The following SLFN12 variants were observed in gnomAD, a reference collection of about 807,000 sequenced individuals.
The protein encoded by SLFN12 is schlafen family member 12.
SLFN12 carries 25 observed loss-of-function variants against 29.1 expected under a neutral mutation model. That is an observed-to-expected ratio of 0.86 (90% CI 0.63 to 1.20). SLFN12 has a LOEUF of 1.20. Ranked by LOEUF, SLFN12 falls within the 50% of genes most tolerant of loss-of-function variation. The pLI, the probability that SLFN12 is intolerant of heterozygous loss-of-function variation, is 0.00. For synonymous variants in SLFN12, 257 were observed against 238.7 expected (o/e 1.08, Z -0.71); for missense variants, 660 against 666.2 (o/e 0.99, Z 0.10).
At position 35,422,894 on chromosome 17, in the gene SLFN12, T is replaced by C; in HGVS notation, c.135A>G (p.Ser45=). The C allele has an allele frequency of 6.2e-7, 1 of 1,614,038 alleles. No individual in the cohort carries two copies. Among genetic ancestry groups the C allele is most frequent in the Non-Finnish European group, 8.5e-7 (1 of 1,179,992 alleles). ...AATTGAGCAGAGCACACATAGCTCG[T>C]GAGACACTTTCATTCTGCTTTTTTC... The part of the protein sequence containing the change: ...KLRKKQNESV[S]RAMCALLNSG... The change falls in exon 2 of 4, where the codon TCA becomes TCG. Residue 45 remains serine (S), a synonymous_variant. Coordinates refer to ENST00000304905, the MANE Select transcript of SLFN12 (RefSeq NM_018042.5).
At position 35,413,812 on chromosome 17, in the gene SLFN12, T is replaced by C. The variant is rs996656105; in HGVS notation, c.1148-1885A>G. On this transcript the variant is annotated intron_variant, in intron 3 of 3. Coordinates refer to ENST00000304905, the MANE Select transcript of SLFN12 (RefSeq NM_018042.5). ...TAATAAGTGGGATTTATCCTTGGGA[T>C]GCAAGCATAGTATAACATGTGAAAA... Among the ~76,000 whole-genome samples the C allele has an allele frequency of 6.0e-5, 9 of 150,902 alleles. No individual in the cohort carries two copies. The East Asian group carries it at 1.7e-3, about 29-fold the overall frequency.
chr17:35,411,324 C>T lies in SLFN12; in HGVS notation c.*14G>A, dbSNP rs1460808454. 8 of 1,447,240 alleles carry T rather than the reference C, an allele frequency of 5.5e-6. No individual in the cohort carries two copies. The South Asian group carries it at 1.1e-4, about 20-fold the overall frequency. The allele number at this position is 1,447,240 out of a possible 1,614,324, so 89.6% of individuals were successfully genotyped here. A position where few individuals can be genotyped will look rare whatever the true frequency, so the allele number is the denominator to read the frequency against. ...TATAATGAAAAATATCTCAGTAGCC[C>T]AGTCCATTTTCCATCAGGTGAGCCT... is the stretch of plus-strand genomic sequence containing the variant. On this transcript the variant is annotated 3_prime_UTR_variant, in exon 4 of 4. Coordinates refer to ENST00000304905, the MANE Select transcript of SLFN12 (RefSeq NM_018042.5).
rs758207940 is a variant in SLFN12 at position 35,411,475 on chromosome 17, G to T, written c.1600C>A (p.Leu534Ile). ...FTRRKYLLKA[L>I]FKALKRLKSL... ...TTGAGTCTCTTTAAGGCTTTAAAAA[G>T]GGCTTTCAGCAAGTATTTCCTTCTT... Residue 534 changes from leucine to isoleucine, a missense_variant, in exon 4 of 4, where the codon CTT (leucine) becomes ATT (isoleucine). By Grantham distance (5) the Leu-to-Ile change is conservative. Transcript: ENST00000304905. The T allele has an allele frequency of 4.3e-6, 7 of 1,613,788 alleles. No homozygotes were observed. The highest frequency in any genetic ancestry group is 5.9e-6 in the Non-Finnish European group (7 of 1,179,956).
chr17:35,431,187 C>G (rs1912297504), intron 1 of SLFN12, among the ~76,000 whole-genome samples: 1 of 152,096 alleles, frequency 6.6e-6, no homozygotes, highest in South Asian at 2.1e-4. Context: ...ATTGTCTTCC[C>G]AGGAATATGG....
At chr17:35,424,017 C>T (rs556239032) in intron 1 of SLFN12, among the ~76,000 whole-genome samples, 4 of 152,090 alleles carry the variant, frequency 2.6e-5, no homozygotes, top group Admixed American at 6.5e-5. Context: ...ACCCAGCTTG[C>T]GGTATTTTGT....
Position 35,421,981 on chromosome 17 carries a change from G to T in SLFN12, c.1039+9C>A. ...AATGCATTCCTGTTGCGAATCCCCC[G>T]CTCTCAACTTGGTTCAGCCTCCACC... On this transcript the variant is annotated intron_variant, in intron 2 of 3. Transcript: ENST00000304905. 2 of 1,609,136 alleles carry T rather than the reference G, an allele frequency of 1.2e-6. No individual in the cohort carries two copies. The highest frequency in any genetic ancestry group is 4.5e-5 in the East Asian group (2 of 44,784).
intron 3 of SLFN12, among the ~76,000 whole-genome samples, chr17:35,418,550 T>G (rs1441899300): frequency 2.0e-5 from 3 of 150,948 alleles, no homozygotes; most frequent in African/African-American, 7.5e-5. Flanking sequence ...TGATACTTAT[T>G]GTAAGAATAT....
At chr17:35,429,290 C>T (rs1912181473) in intron 1 of SLFN12, among the ~76,000 whole-genome samples, 1 of 151,928 alleles carries the variant, frequency 6.6e-6, no homozygotes, top group Non-Finnish European at 1.5e-5. Context: ...TTATAGAGGA[C>T]CCAGCGCTTG....
rs146946588 is a variant in SLFN12 at position 35,422,640 on chromosome 17, T to C, written c.389A>G (p.Asp130Gly). ...ATTCATGACTTTTGCAGATGTTATA[T>C]CTCTTTTGTACAAATTGGAGCTCAA... ...TTLSSNLYKR[D>G]ITSAKVMNAT... is the part of the protein sequence containing the mutation. Residue 130 changes from aspartate (D) to glycine (G), a missense_variant, in exon 2 of 4, where the codon GAT becomes GGT. Physicochemically the swap from Asp to Gly is moderately conservative, Grantham distance 94. Transcript: ENST00000304905. The C allele has an allele frequency of 6.2e-7, 1 of 1,613,952 alleles. No individual in the cohort carries two copies. The highest frequency in any genetic ancestry group is 1.1e-5 in the South Asian group (1 of 91,060).
intron 1 of SLFN12, among the ~76,000 whole-genome samples, chr17:35,427,785 A>G (rs1912093622): frequency 6.6e-6 from 1 of 152,192 alleles, no homozygotes; most frequent in African/African-American, 2.4e-5. Flanking sequence ...ATCATTCGAT[A>G]TAATTATACT....
intron 3 of SLFN12, among the ~76,000 whole-genome samples, chr17:35,414,103 T>A (rs73279296): frequency 0.023 from 3,445 of 152,156 alleles, 138 homozygotes; most frequent in African/African-American, 0.079. Context: ...TCACCACTTC[T>A]ATCCAATATG....
At chr17:35,420,446 G>A in intron 2 of SLFN12, 65 bp from the exon 3 acceptor site, 2 of 941,214 alleles carry the variant, frequency 2.1e-6, no homozygotes, top group East Asian at 2.6e-5. Flanking sequence ...CTAATGCATA[G>A]TATTATATAT....
chr17:35,426,338 C>A (rs188836586), intron 1 of SLFN12, among the ~76,000 whole-genome samples: 2 of 152,068 alleles, frequency 1.3e-5, no homozygotes, highest in East Asian at 1.9e-4. Context: ...ATTGCCTGTC[C>A]GCCATTGGGA....
chr17:35,418,593 G>A (rs1911448909), intron 3 of SLFN12, among the ~76,000 whole-genome samples: 1 of 151,994 alleles, frequency 6.6e-6, no homozygotes, highest in African/African-American at 2.4e-5. Flanking sequence ...TGTGTTAATT[G>A]ACTACGTTAT....
chr17:35,427,218 A>C (rs538355263), intron 1 of SLFN12, among the ~76,000 whole-genome samples: 2 of 152,094 alleles, frequency 1.3e-5, no homozygotes, highest in South Asian at 2.1e-4. Context: ...ACACCATGAA[A>C]TTTCCTACAG....
At position 35,422,951 on chromosome 17, in the gene SLFN12, G is replaced by A. The variant is rs768417226; in HGVS notation, c.78C>T (p.Asn26=). Residue 26 remains asparagine (N), a synonymous_variant, in exon 2 of 4, where the codon AAC becomes AAT. Transcript: ENST00000304905. ...TACAATCCTTCATTTTTTTCCTACT[G>A]TTCTCTCCAAGAGTGACTCTTCCCA... ...LDVGRVTLGE[N]SRKKMKDCKL... is the part of the protein sequence containing the mutation. 3 of 1,613,414 alleles carry A rather than the reference G, an allele frequency of 1.9e-6. No individual in the cohort carries two copies. The highest frequency in any genetic ancestry group is 1.1e-5 in the South Asian group (1 of 91,068).
intron 1 of SLFN12, among the ~76,000 whole-genome samples, chr17:35,423,578 A>T (rs1911830134): frequency 6.6e-6 from 1 of 152,170 alleles, no homozygotes; most frequent in Admixed American, 6.5e-5. Flanking sequence ...TTCTTATAAG[A>T]ATGAAATAGA....
rs1269010221 is a variant in SLFN12 at position 35,422,753 on chromosome 17, C to T, written c.276G>A (p.Glu92=). ...SFSNILLFVP[E]YLDFMQNGNY... ...TACCATTCTGCATGAAGTCTAAGTA[C>T]TCAGGAACAAATAACAGAATGTTAC... The change falls in exon 2 of 4, where the codon GAG becomes GAA. Residue 92 remains glutamate (E), a synonymous_variant. Transcript: ENST00000304905. 5.0e-6 allele frequency: 8 copies of T among 1,613,844 alleles called. No homozygotes were observed. The highest frequency in any genetic ancestry group is 6.8e-6 in the Non-Finnish European group (8 of 1,179,930).
At chr17:35,420,415 C>A (rs756726928) in intron 2 of SLFN12, 34 bp from the exon 3 acceptor site, 1 of 1,419,900 alleles carries the variant, frequency 7.0e-7, no homozygotes, top group Non-Finnish European at 9.9e-7. Flanking sequence ...CTTAATTTCG[C>A]AGAAGGGAGA....
Sources: gnomAD v4.1 joint callset for allele counts (sites outside exome capture counted in the v4.1 genomes callset) on GRCh38, gnomAD v4.1.1 for gene constraint, MANE v1.5 for transcripts, NCBI Gene and HGNC (gene_info 2026-07-23, HGNC 2026-07-21) for gene names.